Variants in PTPRF observed in about 807,000 individuals in gnomAD.
PTPRF encodes protein tyrosine phosphatase receptor type F, also known as receptor-type tyrosine-protein phosphatase F.
PTPRF carries 59 observed loss-of-function variants against 201.8 expected under a neutral mutation model. That is an observed-to-expected ratio of 0.29 (90% CI 0.24 to 0.36). PTPRF has a LOEUF of 0.36. Ranked by LOEUF, PTPRF falls within the 10% of genes least tolerant of loss-of-function variation. PTPRF has a pLI of 1.00. For missense variants in PTPRF, 2,132 were observed against 2,690.5 expected (o/e 0.79, Z 4.59); for synonymous variants, 1,088 against 1,089.7 (o/e 1.00, Z 0.03).
rs1345514858 is a variant in PTPRF, at chr1:43,602,101, AG to A, written c.2340+5del. ...GCCAGAGGAGTCCGAGGACTATGTA[AG>A]TAACAGGTGTGCGAACGCGGACAAG... On this transcript the variant is annotated splice_donor_5th_base_variant and intron_variant, in intron 14 of 33. Coordinates refer to ENST00000359947, the MANE Select transcript of PTPRF (RefSeq NM_002840.5). 1.9e-6 allele frequency: 3 copies of A among 1,612,960 alleles called. No individual in the cohort carries two copies. The African/African-American group carries it at 4.0e-5, about 22-fold the overall frequency.
chr1:43,524,422 G>A (rs868308172), upstream of PTPRF, among the ~76,000 whole-genome samples: 112 of 152,278 alleles, frequency 7.4e-4, no homozygotes, highest in African/African-American at 2.6e-3. Flanking sequence ...CACTTTGGGA[G>A]GCCAAGGTGG....
At chr1:43,590,097 C>T (rs569145093) in intron 8 of PTPRF, among the ~76,000 whole-genome samples, 2 of 152,310 alleles carry the variant, frequency 1.3e-5, no homozygotes, top group African/African-American at 2.4e-5. Flanking sequence ...CACCCTGTCA[C>T]GCGCCAGCTG....
At chr1:43,610,870 TAAAC>T (rs1024867964) in intron 22 of PTPRF, among the ~76,000 whole-genome samples, 5 of 152,236 alleles carry the variant, frequency 3.3e-5, no homozygotes, top group East Asian at 1.9e-4. Flanking sequence ...ATCTCAAAAA[TAAAC>T]AAATAAATAA....
At chr1:43,540,974 G>A (rs557576687) in intron 2 of PTPRF, among the ~76,000 whole-genome samples, 13 of 152,268 alleles carry the variant, frequency 8.5e-5, no homozygotes, top group Non-Finnish European at 1.8e-4. Flanking sequence ...AGTGCCACGC[G>A]GTGAACTGTC....
intron 6 of PTPRF, among the ~76,000 whole-genome samples, chr1:43,570,119 G>C (rs977864385): frequency 2.0e-5 from 3 of 152,218 alleles, no homozygotes; most frequent in African/African-American, 7.2e-5. Context: ...GGGCCTGGAT[G>C]ATGCTTCTCT....
At chr1:43,602,679 A>G (rs1323377224) in intron 14 of PTPRF, among the ~76,000 whole-genome samples, 2 of 152,048 alleles carry the variant, frequency 1.3e-5, no homozygotes, top group African/African-American at 2.4e-5. Context: ...TTGACCTCCC[A>G]TGGTGTTTCT....
chr1:43,560,156 TTGTG>T (rs1367968790), intron 5 of PTPRF, among the ~76,000 whole-genome samples: 1 of 124,530 alleles, frequency 8.0e-6, no homozygotes, highest in Non-Finnish European at 1.7e-5. Context: ...GGCAGTGCAT[TTGTG>T]TGCATGCAGC....
intron 1 of PTPRF, among the ~76,000 whole-genome samples, chr1:43,531,537 G>A (rs1371380318): frequency 2.0e-5 from 3 of 147,514 alleles, no homozygotes; most frequent in Non-Finnish European, 4.5e-5. Context: ...GGCGGGTCCA[G>A]GCCGCGCCCC....
At chr1:43,550,330 TC>T (rs1392475322) in intron 3 of PTPRF, among the ~76,000 whole-genome samples, 1 of 152,176 alleles carries the variant, frequency 6.6e-6, no homozygotes, top group African/African-American at 2.4e-5. Flanking sequence ...CCTCTCCGCT[TC>T]TTTGTTTGGA....
chr1:43,577,352 T>C (rs926387083), intron 6 of PTPRF, among the ~76,000 whole-genome samples: 3 of 152,356 alleles, frequency 2.0e-5, no homozygotes, highest in African/African-American at 7.2e-5. Context: ...AGATGGTATT[T>C]GGCATGTGCA....
At position 43,588,669 on chromosome 1, in the gene PTPRF, G is replaced by T; in HGVS notation, c.680-62G>T. ...GGGGCTTCCTGAATGAGGGGCCCCTGCCCTTCCATGCAGTCGTGTGTCCTG... is the reference window on the plus strand; with the variant it reads ...GGGGCTTCCTGAATGAGGGGCCCCTTCCCTTCCATGCAGTCGTGTGTCCTG... On this transcript the variant is annotated intron_variant, in intron 7 of 33. Transcript: ENST00000359947. The surrounding 1 kb of genome is among the most constrained non-coding windows in gnomAD (Gnocchi z 5.3). The T allele has an allele frequency of 6.3e-7, 1 of 1,584,030 alleles. No individual in the cohort carries two copies. The highest frequency in any genetic ancestry group is 8.6e-7 in the Non-Finnish European group (1 of 1,165,840).
intron 7 of PTPRF, among the ~76,000 whole-genome samples, chr1:43,583,961 G>A (rs1278725659): frequency 6.6e-6 from 1 of 152,086 alleles, no homozygotes; most frequent in Non-Finnish European, 1.5e-5. Context: ...GTAACTGAAC[G>A]GTCAGCTGCA....
intron 6 of PTPRF, among the ~76,000 whole-genome samples, chr1:43,575,206 G>T (rs1039092457): frequency 6.6e-6 from 1 of 152,320 alleles, no homozygotes; most frequent in South Asian, 2.1e-4. Flanking sequence ...TGAACGCCTG[G>T]CCCTCTGGGT....
chr1:43,589,161 G>A (rs1446227960), intron 8 of PTPRF, among the ~76,000 whole-genome samples, 161 bp downstream of exon 8: 2 of 152,038 alleles, frequency 1.3e-5, no homozygotes, highest in African/African-American at 4.8e-5. Context: ...TTAGAGGGAG[G>A]GAGGGATTTC....
rs1052862664 is a variant in PTPRF at position 43,567,695 on chromosome 1, C to G, written c.380-1895C>G. Among the ~76,000 whole-genome samples, 3 of 152,206 alleles carry G rather than the reference C, an allele frequency of 2.0e-5. No individual in the cohort carries two copies. In the South Asian group the frequency reaches 6.2e-4, roughly 31 times the overall value. ...CCCTCTTCTACCCGCCCCCCAGTCG[C>G]TCTCCCTGGGTCTCCAAGAGGCTCC... On this transcript the variant is annotated intron_variant, in intron 5 of 33. Coordinates refer to ENST00000359947, the MANE Select transcript of PTPRF (RefSeq NM_002840.5).
upstream of PTPRF, among the ~76,000 whole-genome samples, chr1:43,526,102 C>T (rs928114648): frequency 1.6e-4 from 25 of 152,170 alleles, no homozygotes; most frequent in African/African-American, 5.5e-4. Context: ...CTGGAGGCGC[C>T]GGAGCACCCT....
At chr1:43,541,227 A>G (rs1644343036) in intron 2 of PTPRF, among the ~76,000 whole-genome samples, 1 of 152,234 alleles carries the variant, frequency 6.6e-6, no homozygotes, top group African/African-American at 2.4e-5. Flanking sequence ...TTGGAGACTA[A>G]TTAATATTTG....
rs759978013 is a variant in PTPRF at position 43,604,120 on chromosome 1, G to A, written c.2968G>A (p.Ala990Thr). ...CACCACTTACGACATCAAGGTCCGC[G>A]CATGGACCAGCAAAGGCTCTGGCCC... is the stretch of plus-strand genomic sequence containing the variant. ...PDTTYDIKVR[A>T]WTSKGSGPLS... is the part of the protein sequence containing the mutation. Residue 990 changes from alanine to threonine, a missense_variant, in exon 16 of 34, where the codon GCA (alanine) becomes ACA (threonine). Ala to Thr is a moderately conservative substitution (Grantham distance 58). Around this residue, in one of 6 missense-constraint regions of PTPRF, gnomAD observed 818 missense variants for 915.3 expected, o/e 0.89. Coordinates refer to ENST00000359947, the MANE Select transcript of PTPRF (RefSeq NM_002840.5). 5 of 1,614,052 alleles carry A rather than the reference G, an allele frequency of 3.1e-6. No individual in the cohort carries two copies. The highest frequency in any genetic ancestry group is 2.2e-5 in the East Asian group (1 of 44,900).
chr1:43,556,911 G>A (rs542313840), intron 5 of PTPRF, among the ~76,000 whole-genome samples: 1 of 152,220 alleles, frequency 6.6e-6, no homozygotes, highest in Non-Finnish European at 1.5e-5. Context: ...CCCACGGGGG[G>A]ACATACCTGT....
Sources: gnomAD v4.1 joint callset for allele counts (sites outside exome capture counted in the v4.1 genomes callset) on GRCh38, gnomAD v4.1.1 for gene constraint, gnomAD v4.1.1 regional missense constraint, Gnocchi (gnomAD v3.1) non-coding constraint, MANE v1.5 for transcripts, NCBI Gene and HGNC (gene_info 2026-07-23, HGNC 2026-07-21) for gene names.